The following NKD1 variants were observed in gnomAD, a reference collection of about 807,000 sequenced individuals.
NKD1 encodes the protein NKD inhibitor of Wnt signaling pathway 1, also known as protein naked cuticle homolog 1.
A neutral mutation model predicts 56.0 loss-of-function variants in NKD1; 21 were observed. That is an observed-to-expected ratio of 0.38 (90% CI 0.27 to 0.54). NKD1 has a LOEUF of 0.54. NKD1 is among the 20% of genes least tolerant of loss of function. The pLI, the probability that NKD1 is intolerant of heterozygous loss-of-function variation, is 0.82. For synonymous variants in NKD1, 263 were observed against 265.7 expected, an observed-to-expected ratio of 0.99 and a Z score of 0.10; for missense variants, 578 against 642.7, an observed-to-expected ratio of 0.90 and a Z score of 1.09.
intron 2 of NKD1, 98 bp from the exon 3 acceptor site, chr16:50,549,323 TG>T: frequency 6.9e-7 from 1 of 1,452,972 alleles, no homozygotes; most frequent in Non-Finnish European, 9.3e-7. Flanking sequence ...CCCCGTGCCG[TG>T]GTCCTTCGCC....
At chr16:50,604,112 A>T (rs1961654743) in intron 3 of NKD1, among the ~76,000 whole-genome samples, 1 of 152,224 alleles carries the variant, frequency 6.6e-6, no homozygotes, top group Admixed American at 6.5e-5. Flanking sequence ...CTAAGTAGAC[A>T]AAATAAGTGG....
chr16:50,572,542 C>T (rs998155159), intron 3 of NKD1, among the ~76,000 whole-genome samples: 3 of 152,034 alleles, frequency 2.0e-5, no homozygotes, highest in Non-Finnish European at 4.4e-5. Flanking sequence ...GGGCCTGGCT[C>T]GATGGCTGGG....
At position 50,630,291 on chromosome 16, in the gene NKD1, G is replaced by C. The variant is rs1315067177; in HGVS notation, c.568G>C (p.Asp190His). The change falls in exon 7 of 10, where the codon GAT becomes CAT. Residue 190 changes from aspartate (D) to histidine (H), a missense_variant. Coordinates refer to ENST00000268459, the MANE Select transcript of NKD1 (RefSeq NM_033119.5). ...GCGGGTAAAGCTCACCGTGGCCCCCGATGGCAGCCAGAGCAAGAGGAGCGT... is the reference window on the plus strand; with the variant it reads ...GCGGGTAAAGCTCACCGTGGCCCCCCATGGCAGCCAGAGCAAGAGGAGCGT... ...MLRVKLTVAP[D>H]GSQSKRSVLV... 6.2e-7 allele frequency: 1 copy of C among 1,614,018 alleles called. No individual in the cohort carries two copies. The highest frequency in any genetic ancestry group is 8.5e-7 in the Non-Finnish European group (1 of 1,180,022).
In NKD1 at chr16:50,636,645, G is replaced by A. The variant is rs1166232930; in HGVS notation, c.*2864G>A. The A allele has an allele frequency of 6.6e-6, 1 of 152,186 alleles. No individual in the cohort carries two copies. The highest frequency in any genetic ancestry group is 1.9e-4 in the East Asian group (1 of 5,194). The allele number at this position is 152,186 out of a possible 1,614,324, so 9.4% of individuals were successfully genotyped here. A position where few individuals can be genotyped will look rare whatever the true frequency, so the allele number is the denominator to read the frequency against. ...GTGCCTCAGTTTCTCCTTTATAAAG[G>A]CAGGGATCATGAGAGTGCCTGTCCC... On this transcript the variant is annotated 3_prime_UTR_variant, in exon 10 of 10. Coordinates refer to ENST00000268459, the MANE Select transcript of NKD1 (RefSeq NM_033119.5).
intron 3 of NKD1, among the ~76,000 whole-genome samples, chr16:50,563,212 G>A (rs1264261718): frequency 6.6e-6 from 1 of 152,258 alleles, no homozygotes; most frequent in Non-Finnish European, 1.5e-5. Flanking sequence ...GCCCCATGAG[G>A]CTAGTGGCTA....
chr16:50,606,879 T>C (rs1456551314), intron 3 of NKD1: 1 of 456,516 alleles, frequency 2.2e-6, no homozygotes, highest in Non-Finnish European at 4.4e-6. Context: ...TGGGCTTCAA[T>C]TGGCTGCTGG....
intron 3 of NKD1, among the ~76,000 whole-genome samples, chr16:50,582,498 A>T (rs1279515926): frequency 6.6e-6 from 1 of 152,196 alleles, no homozygotes; most frequent in Non-Finnish European, 1.5e-5. Context: ...GAACATTGCC[A>T]TTCAGTGGTC....
At chr16:50,575,024 A>C (rs1268317316) in intron 3 of NKD1, 1 of 985,164 alleles carries the variant, frequency 1.0e-6, no homozygotes, top group East Asian at 1.1e-4. Flanking sequence ...GCTTGAATAC[A>C]ATAGTAACTT....
chr16:50,605,547 C>T (rs1445601963), intron 3 of NKD1, among the ~76,000 whole-genome samples: 1 of 152,174 alleles, frequency 6.6e-6, no homozygotes, highest in Admixed American at 6.5e-5. Context: ...AAAAAAGCAT[C>T]CGTACTGAAC....
At position 50,647,744 on chromosome 16, in the gene NKD1, A is replaced by C. The variant is rs1962707614; in HGVS notation, c.*13963A>C. 6.6e-6 allele frequency: 1 copy of C among 152,254 alleles called. No individual in the cohort carries two copies. Among genetic ancestry groups the C allele is most frequent in the African/African-American group, 2.4e-5 (1 of 41,454 alleles). 9.4% of individuals were successfully genotyped at this position (152,254 alleles called of 1,614,324 possible). ...AGTCGGAAATTGGACCAGCAAACAGAAATGATTCCTACAGGGGATACAAGC... is the reference window on the plus strand; with the variant it reads ...AGTCGGAAATTGGACCAGCAAACAGCAATGATTCCTACAGGGGATACAAGC... On this transcript the variant is annotated 3_prime_UTR_variant, in exon 10 of 10. Coordinates refer to ENST00000268459, the MANE Select transcript of NKD1 (RefSeq NM_033119.5).
intron 5 of NKD1, among the ~76,000 whole-genome samples, chr16:50,624,946 G>A (rs996106384): frequency 2.6e-5 from 4 of 152,214 alleles, no homozygotes; most frequent in Admixed American, 6.5e-5. Flanking sequence ...CAGCAACCTC[G>A]TGGGAGAGAG....
At chr16:50,550,434 T>G (rs1454617561) in intron 3 of NKD1, among the ~76,000 whole-genome samples, 1 of 151,900 alleles carries the variant, frequency 6.6e-6, no homozygotes, top group Non-Finnish European at 1.5e-5. Context: ...ATCCATGGGC[T>G]GGGGAGAGGC....
intron 3 of NKD1, among the ~76,000 whole-genome samples, chr16:50,586,343 C>T (rs1264610300): frequency 1.4e-5 from 2 of 140,828 alleles, no homozygotes; most frequent in East Asian, 2.1e-4. Flanking sequence ...TTTGAGAAAG[C>T]GTGGATCACT....
intron 3 of NKD1, among the ~76,000 whole-genome samples, chr16:50,587,515 G>A (rs1454896975): frequency 6.6e-6 from 1 of 152,158 alleles, no homozygotes; most frequent in East Asian, 1.9e-4. Flanking sequence ...TTTGTTCTCT[G>A]GCTTCTATGT....
Position 50,630,843 on chromosome 16 carries a change from C to G in NKD1, c.628C>G (p.Pro210Ala). The change falls in exon 8 of 10, where the codon CCC (proline) becomes GCC (alanine). Residue 210 changes from proline (P) to alanine (A), a missense_variant. By Grantham distance (27) the Pro-to-Ala change is conservative. Coordinates refer to ENST00000268459, the MANE Select transcript of NKD1 (RefSeq NM_033119.5). ...GGACTCAGACCTGCAGAGCGCAAGG[C>G]CCCGAGCAGAGACCAAGCCCACTGA... is the stretch of plus-strand genomic sequence containing the variant. ...VNQADLQSAR[P>A]RAETKPTEDL... 1 of 1,604,938 alleles carries G rather than the reference C, an allele frequency of 6.2e-7. No homozygotes were observed. Among genetic ancestry groups the G allele is most frequent in the Non-Finnish European group, 8.5e-7 (1 of 1,176,324 alleles).
intron 6 of NKD1, among the ~76,000 whole-genome samples, chr16:50,626,472 A>G (rs765582653): frequency 5.9e-5 from 9 of 152,012 alleles, no homozygotes; most frequent in Non-Finnish European, 1.3e-4. Context: ...AGGAGGCGGC[A>G]AGGGAGCTGA....
chr16:50,611,434 C>G (rs546288799), intron 4 of NKD1, among the ~76,000 whole-genome samples: 19 of 151,984 alleles, frequency 1.3e-4, no homozygotes, highest in African/African-American at 4.6e-4. Flanking sequence ...GGGACCAGGC[C>G]CAGGCCTCCC....
intron 3 of NKD1, chr16:50,606,805 G>A (rs957008887): frequency 2.2e-6 from 1 of 456,666 alleles, no homozygotes; most frequent in South Asian, 1.5e-5. Context: ...CTGTTCCCTC[G>A]GGGAAGCTCT....
intron 3 of NKD1, chr16:50,574,499 CT>C: frequency 1.0e-6 from 1 of 985,448 alleles, no homozygotes; most frequent in Non-Finnish European, 1.2e-6. Flanking sequence ...CATTTTGCTC[CT>C]CCTGCTGCTG....
Sources: gnomAD v4.1 joint callset for allele counts (sites outside exome capture counted in the v4.1 genomes callset) on GRCh38, gnomAD v4.1.1 for gene constraint, MANE v1.5 for transcripts, NCBI Gene and HGNC (gene_info 2026-07-23, HGNC 2026-07-21) for gene names.